The following EYS variants were observed in gnomAD, a reference collection of about 807,000 sequenced individuals.
EYS encodes the protein protein eyes shut homolog.
Under a neutral mutation model 282.1 loss-of-function variants are expected in EYS, and 250 were observed. The ratio of observed to expected loss-of-function variants is 0.89; its 90% CI spans 0.80 to 0.98. EYS has a LOEUF of 0.98. Ranked by LOEUF, EYS falls within the 50% of genes least tolerant of loss-of-function variation. The pLI is 0.00. For missense variants in EYS, 4,016 were observed against 3,709.0 expected (o/e 1.08, Z -2.15); for synonymous variants, 1,355 against 1,282.9 (o/e 1.06, Z -1.20).
intron 31 of EYS, among the ~76,000 whole-genome samples, chr6:64,216,326 T>A (rs1343575049): frequency 1.3e-5 from 2 of 152,198 alleles, no homozygotes; most frequent in African/African-American, 4.8e-5. Flanking sequence ...TAATATGGAC[T>A]TTAAGGTATT....
At chr6:64,225,181 T>C (rs1416626128) in intron 31 of EYS, among the ~76,000 whole-genome samples, 1 of 152,092 alleles carries the variant, frequency 6.6e-6, no homozygotes, top group African/African-American at 2.4e-5. Context: ...GCTGATTTCA[T>C]TTACTTCCCT....
intron 31 of EYS, among the ~76,000 whole-genome samples, chr6:64,135,245 T>C (rs1442937639): frequency 6.6e-6 from 1 of 151,900 alleles, no homozygotes; most frequent in Non-Finnish European, 1.5e-5. Context: ...AAGTTAGACA[T>C]TGAAAAGTAA....
chr6:64,971,805 TAG>T (rs913032901), intron 14 of EYS, among the ~76,000 whole-genome samples: 2 of 152,068 alleles, frequency 1.3e-5, no homozygotes, highest in African/African-American at 2.4e-5. Context: ...AGAATCCCGA[TAG>T]AGAGAACATC....
At chr6:65,435,865 C>T (rs1482266595) in intron 5 of EYS, among the ~76,000 whole-genome samples, 2 of 152,020 alleles carry the variant, frequency 1.3e-5, no homozygotes, top group Non-Finnish European at 2.9e-5. Context: ...GACATAGAGG[C>T]ACAGAGGGAA....
At chr6:65,462,775 T>C (rs1427185324) in intron 5 of EYS, among the ~76,000 whole-genome samples, 1 of 152,128 alleles carries the variant, frequency 6.6e-6, no homozygotes, top group African/African-American at 2.4e-5. Context: ...GTGAGTTATA[T>C]GGCTTACATT....
At chr6:65,598,233 C>A (rs1765479851) in intron 2 of EYS, among the ~76,000 whole-genome samples, 1 of 44,460 alleles carries the variant, frequency 2.2e-5, no homozygotes, top group Admixed American at 2.2e-4. Context: ...CCCTCCTCCC[C>A]ACCCACCCCC....
At chr6:65,552,997 T>A (rs960977541) in intron 2 of EYS, among the ~76,000 whole-genome samples, 5 of 152,268 alleles carry the variant, frequency 3.3e-5, no homozygotes, top group South Asian at 4.1e-4. Flanking sequence ...TTGATTCAAA[T>A]CGGCACTTTG....
chr6:64,692,782 C>T (rs1018412030), intron 22 of EYS, among the ~76,000 whole-genome samples: 1 of 151,986 alleles, frequency 6.6e-6, no homozygotes, highest in African/African-American at 2.4e-5. Flanking sequence ...TCTACCTCAT[C>T]GAAGATCAGA....
chr6:65,403,229 A>G (rs969656106), intron 6 of EYS, among the ~76,000 whole-genome samples: 1 of 152,088 alleles, frequency 6.6e-6, no homozygotes, highest in African/African-American at 2.4e-5. Context: ...TGCATAGAAA[A>G]TAAACCATTG....
At chr6:63,752,831 A>G (rs1279608995) in intron 41 of EYS, among the ~76,000 whole-genome samples, 4 of 151,894 alleles carry the variant, frequency 2.6e-5, no homozygotes, top group African/African-American at 9.7e-5. Flanking sequence ...TGCTCAATAC[A>G]TTTTTATTAG....
chr6:64,938,036 C>T (rs1286476188), intron 15 of EYS, among the ~76,000 whole-genome samples: 5 of 151,516 alleles, frequency 3.3e-5, no homozygotes, highest in African/African-American at 4.8e-5. Flanking sequence ...ACATATATTG[C>T]ATGATTCCAT....
chr6:64,180,537 A>G (rs1764759005), intron 31 of EYS, among the ~76,000 whole-genome samples: 1 of 151,938 alleles, frequency 6.6e-6, no homozygotes, highest in Admixed American at 6.6e-5. Context: ...AGTAGTGAGC[A>G]TACTACCCAA....
At chr6:65,267,954 A>T (rs1393391438) in intron 12 of EYS, among the ~76,000 whole-genome samples, 1 of 151,266 alleles carries the variant, frequency 6.6e-6, no homozygotes, top group Non-Finnish European at 1.5e-5. Context: ...CTCCCCTCTA[A>T]ACACACACAC....
intron 13 of EYS, among the ~76,000 whole-genome samples, chr6:65,056,304 C>T (rs1773411867): frequency 6.6e-6 from 1 of 151,898 alleles, no homozygotes; most frequent in Non-Finnish European, 1.5e-5. Flanking sequence ...ATAGCTAGAT[C>T]TCTAAGGAGA....
At position 65,002,729 on chromosome 6, in the gene EYS, C is replaced by T. The variant is rs570792665; in HGVS notation, c.2138-5026G>A. ...GTTGTGGGAAGTCAGGGACCCCAAA[C>T]AGAGGGACCGGCTGAAGCCATGGCA... On this transcript the variant is annotated intron_variant, in intron 13 of 42. Transcript: ENST00000503581. Among the ~76,000 whole-genome samples, 18 of 147,854 alleles carry T rather than the reference C, an allele frequency of 1.2e-4. 1 individual carries two copies. In the South Asian group the frequency reaches 3.7e-3, roughly 31 times the overall value.
chr6:64,431,886 C>T (rs1450465195), intron 28 of EYS, among the ~76,000 whole-genome samples: 2 of 152,108 alleles, frequency 1.3e-5, no homozygotes, highest in Non-Finnish European at 2.9e-5. Context: ...TCTGGTTCTG[C>T]ATCACTTGAG....
At chr6:64,852,110 A>T (rs765059233) in intron 19 of EYS, among the ~76,000 whole-genome samples, 2 of 151,816 alleles carry the variant, frequency 1.3e-5, no homozygotes, top group Non-Finnish European at 2.9e-5. Context: ...GTCCATCAAG[A>T]GCCTGTGATT....
chr6:64,586,898 G>GA (rs1766251407), intron 26 of EYS, among the ~76,000 whole-genome samples: 1 of 152,086 alleles, frequency 6.6e-6, no homozygotes, highest in Middle Eastern at 3.4e-3. Context: ...ATAACCAGTA[G>GA]AAAAAATAGA....
chr6:64,740,229 T>C (rs758949180), intron 22 of EYS, among the ~76,000 whole-genome samples: 3 of 152,172 alleles, frequency 2.0e-5, no homozygotes, highest in African/African-American at 4.8e-5. Context: ...GCAGTTCTAA[T>C]ACATTTCCTA....
Sources: allele counts gnomAD v4.1 joint callset (sites outside exome capture counted in the v4.1 genomes callset), GRCh38; gene constraint gnomAD v4.1.1; transcripts MANE v1.5; gene names NCBI Gene and HGNC (gene_info 2026-07-23, HGNC 2026-07-21).